PLCL1: variants seen among roughly 807,000 people sequenced by gnomAD.
PLCL1 encodes inactive phospholipase C-like protein 1.
PLCL1 carries 41 observed loss-of-function variants against 84.4 expected under a neutral mutation model. The observed-to-expected ratio is 0.49, with a 90% CI of 0.38 to 0.63. The LOEUF (loss-of-function observed/expected upper bound fraction) is 0.63, where lower values mean the gene tolerates loss of function less well. Ranked by LOEUF, PLCL1 falls within the 30% of genes least tolerant of loss-of-function variation. The probability of loss-of-function intolerance (pLI) is 0.00; values close to 1 mark genes in which losing one functional copy is unlikely to be tolerated. For missense variants in PLCL1, 1,206 were observed against 1,367.8 expected, an observed-to-expected ratio of 0.88 and a Z score of 1.87; for synonymous variants, 490 against 488.3, an observed-to-expected ratio of 1.00 and a Z score of -0.05.
At chr2:197,998,551 C>T (rs1370880184) in intron 1 of PLCL1, among the ~76,000 whole-genome samples, 1 of 152,154 alleles carries the variant, frequency 6.6e-6, no homozygotes, top group African/African-American at 2.4e-5. Flanking sequence ...TACTTCCTCT[C>T]ATCATGGGGG....
rs949177887 is a variant in PLCL1 at position 198,081,942 on chromosome 2, A to G, written c.241-1816A>G. The stretch of plus-strand genomic sequence containing the variant: ...GGTTATACTTTTCAATATTTGAAAT[A>G]GTAATCTTATGTGGTTGTTTGAAAA... On this transcript the variant is annotated intron_variant, in intron 1 of 5. Transcript: ENST00000428675. 2.0e-5 allele frequency among the ~76,000 whole-genome samples: 3 copies of G among 152,238 alleles called. No homozygotes were observed. In the East Asian group the frequency reaches 5.8e-4, roughly 29 times the overall value.
chr2:197,846,999 G>C (rs372785737), intron 1 of PLCL1, among the ~76,000 whole-genome samples: 313 of 152,218 alleles, frequency 2.1e-3, no homozygotes, highest in African/African-American at 7.3e-3. Flanking sequence ...TTGAATAAGT[G>C]TGTGTTCTTT....
At chr2:198,101,763 A>G (rs955229667) in intron 4 of PLCL1, among the ~76,000 whole-genome samples, 2 of 152,028 alleles carry the variant, frequency 1.3e-5, no homozygotes, top group African/African-American at 4.8e-5. Flanking sequence ...TTGCCCCATT[A>G]CTAGTCTTCA....
Position 198,084,552 on chromosome 2 carries a change from C to T in PLCL1, c.1035C>T (p.Val345=). 1.2e-6 allele frequency: 2 copies of T among 1,613,624 alleles called. No homozygotes were observed. The highest frequency in any genetic ancestry group is 2.2e-5 in the East Asian group (1 of 44,884). Residue 345 remains valine (V), a synonymous_variant, in exon 2 of 6, where the codon GTC becomes GTT. Transcript: ENST00000428675. ...TCTTTTTAGAAGCTGAGCAAGGAGT[C>T]ACCCATATCACCGAGGATATATGCT... ...LMLFLEAEQG[V]THITEDICLD...
At chr2:197,850,204 C>T (rs1687207944) in intron 1 of PLCL1, among the ~76,000 whole-genome samples, 1 of 152,158 alleles carries the variant, frequency 6.6e-6, no homozygotes, top group African/African-American at 2.4e-5. Context: ...CAGATTTTCT[C>T]CAAGGTTTCT....
At chr2:197,891,300 T>C (rs1688021889) in intron 1 of PLCL1, among the ~76,000 whole-genome samples, 1 of 152,166 alleles carries the variant, frequency 6.6e-6, no homozygotes, top group African/African-American at 2.4e-5. Context: ...ACTGAGAAAT[T>C]TGACCAAGGA....
chr2:197,823,810 T>C (rs1208859199), intron 1 of PLCL1, among the ~76,000 whole-genome samples: 3 of 152,166 alleles, frequency 2.0e-5, no homozygotes, highest in Admixed American at 2.0e-4. Flanking sequence ...TTACTTGTTT[T>C]ACGCTTCAAA....
chr2:198,039,287 A>C (rs904810587), intron 1 of PLCL1, among the ~76,000 whole-genome samples: 1 of 152,154 alleles, frequency 6.6e-6, no homozygotes, highest in Non-Finnish European at 1.5e-5. Context: ...CTAGTGATCT[A>C]TCTGCCCATA....
Position 198,090,598 on chromosome 2 carries a change from T to G in PLCL1, c.2919+1537T>G, listed in dbSNP as rs560132374. Among the ~76,000 whole-genome samples the G allele has an allele frequency of 1.2e-3, 187 of 152,324 alleles. 4 individuals carry two copies. The South Asian group carries it at 0.036, about 29-fold the overall frequency. Reference sequence around the variant, plus strand: ...GAATGACCATACCTGTTATAAAATGTACTTCATGGTTGCTAGGGGGAAAGT... The same window carrying G: ...GAATGACCATACCTGTTATAAAATGGACTTCATGGTTGCTAGGGGGAAAGT... On this transcript the variant is annotated intron_variant, in intron 3 of 5. Transcript: ENST00000428675.
rs547371564 is a variant in PLCL1, at chr2:198,051,907, T to C, written c.241-31851T>C. On this transcript the variant is annotated intron_variant, in intron 1 of 5. Transcript: ENST00000428675. ...GCCACCACGGCCAGCTAATTATCAT[T>C]ATTATTATTATTATTTTTTGAGACC... 2.1e-4 allele frequency among the ~76,000 whole-genome samples: 32 copies of C among 150,564 alleles called. No homozygotes were observed. The East Asian group carries it at 4.3e-3, about 20-fold the overall frequency.
At chr2:198,026,632 A>T (rs1355429893) in intron 1 of PLCL1, among the ~76,000 whole-genome samples, 1 of 152,220 alleles carries the variant, frequency 6.6e-6, no homozygotes, top group Non-Finnish European at 1.5e-5. Context: ...TCCAATTTAT[A>T]TAAGGAACTC....
At chr2:197,956,517 A>G (rs1489188850) in intron 1 of PLCL1, among the ~76,000 whole-genome samples, 1 of 152,168 alleles carries the variant, frequency 6.6e-6, no homozygotes, top group Non-Finnish European at 1.5e-5. Flanking sequence ...CAATGGTTGA[A>G]CTAATTTACA....
At chr2:198,137,696 G>A (rs957990751) in intron 5 of PLCL1, among the ~76,000 whole-genome samples, 1 of 152,154 alleles carries the variant, frequency 6.6e-6, no homozygotes, top group Non-Finnish European at 1.5e-5. Context: ...TTGCTTTCTT[G>A]TTACTTTTTA....
chr2:197,973,043 C>T (rs978090147), intron 1 of PLCL1, among the ~76,000 whole-genome samples: 56 of 152,192 alleles, frequency 3.7e-4, no homozygotes, highest in African/African-American at 1.3e-3. Flanking sequence ...ATAAACTACC[C>T]TTGTCCTCAA....
chr2:197,861,167 A>G (rs1340859735), intron 1 of PLCL1, among the ~76,000 whole-genome samples: 2 of 152,208 alleles, frequency 1.3e-5, no homozygotes, highest in Non-Finnish European at 2.9e-5. Flanking sequence ...AGGCATGATT[A>G]TGTAGTTGGA....
At chr2:197,966,719 C>T (rs1015373441) in intron 1 of PLCL1, among the ~76,000 whole-genome samples, 1 of 151,966 alleles carries the variant, frequency 6.6e-6, no homozygotes, top group Non-Finnish European at 1.5e-5. Flanking sequence ...GGTCACTTAC[C>T]TGATTTTTGG....
Position 198,086,052 on chromosome 2 carries a change from A to C in PLCL1, c.2535A>C (p.Ile845=). ...AGCACGTAACCCTTTTTGTCCACAT[A>C]GCAATAACTAATCGAAGTGGAGGAG... ...IMEHVTLFVH[I]AITNRSGGGK... The change falls in exon 2 of 6, where the codon ATA becomes ATC. Residue 845 remains isoleucine (I), a synonymous_variant. Transcript: ENST00000428675. 1 of 1,614,074 alleles carries C rather than the reference A, an allele frequency of 6.2e-7. No homozygotes were observed.
intron 1 of PLCL1, among the ~76,000 whole-genome samples, chr2:197,972,186 G>A (rs143474228): frequency 1.3e-4 from 20 of 152,296 alleles, no homozygotes; most frequent in Middle Eastern, 3.4e-3. Context: ...TGCCATGAGG[G>A]CACATGCTGA....
intron 1 of PLCL1, among the ~76,000 whole-genome samples, chr2:197,954,382 G>A (rs1264434237): frequency 6.6e-6 from 1 of 152,090 alleles, no homozygotes; most frequent in African/African-American, 2.4e-5. Context: ...TGTTCACTGT[G>A]TTGGAATAGA....
Sources: allele counts gnomAD v4.1 joint callset (sites outside exome capture counted in the v4.1 genomes callset), GRCh38; gene constraint gnomAD v4.1.1; transcripts MANE v1.5; gene names NCBI Gene and HGNC (gene_info 2026-07-23, HGNC 2026-07-21).